PLOD3: variants seen among roughly 807,000 people sequenced by gnomAD.
PLOD3 encodes the protein procollagen-lysine,2-oxoglutarate 5-dioxygenase 3, also known as multifunctional procollagen lysine hydroxylase and glycosyltransferase LH3.
A neutral mutation model predicts 96.9 loss-of-function variants in PLOD3; 73 were observed. The observed-to-expected ratio is 0.75, with a 90% confidence interval of 0.62 to 0.92. PLOD3 has a LOEUF of 0.92. PLOD3 is among the 40% of genes least tolerant of loss of function. PLOD3 has a pLI of 0.00. For missense variants in PLOD3, 1,004 were observed against 1,004.3 expected, an observed-to-expected ratio of 1.00 and a Z score of 0.00; for synonymous variants, 454 against 413.7, an observed-to-expected ratio of 1.10 and a Z score of -1.18.
chr7:101,213,077 CG>C, intron 7 of PLOD3, 29 bp downstream of exon 7: 1 of 740,914 alleles, frequency 1.3e-6, no homozygotes, highest in Non-Finnish European at 2.0e-6. Context: ...TGGGGCAGGG[CG>C]GGGCGGGGGT....
chr7:101,212,641 C>T lies in PLOD3; in HGVS notation c.894G>A (p.Val298=). 1.2e-6 allele frequency: 2 copies of T among 1,613,794 alleles called. No individual in the cohort carries two copies. Among genetic ancestry groups the T allele is most frequent in the Non-Finnish European group, 1.7e-6 (2 of 1,179,938 alleles). Residue 298 remains valine (V), a synonymous_variant, in exon 9 of 19, where the codon GTG becomes GTA. Transcript: ENST00000223127. The part of the protein sequence containing the change: ...TLPGGQPPPR[V]FLAVFVEQPT... ...GCTGTTCCACAAACACGGCCAGAAA[C>T]ACCCGGGGGGGAGGCTGGAAGATGC...
chr7:101,206,952 G>A, intron 17 of PLOD3, 48 bp from the exon 18 acceptor site: 1 of 1,544,452 alleles, frequency 6.5e-7, no homozygotes, highest in East Asian at 2.4e-5. Context: ...CGGGCGCAGG[G>A]GGTCTTTTAT....
chr7:101,213,162 CG>C lies in PLOD3; in HGVS notation c.721del (p.Arg241GlyfsTer117). On this transcript the variant is annotated frameshift_variant, in exon 7 of 19. Transcript: ENST00000223127. LOFTEE classifies it high-confidence loss of function. Reference sequence around the variant, plus strand: ...GGGGAGCGTGTCGTAGGCCACGTTCCGGATACGCACACGGTTCCGATCAAAC... The same window carrying C: ...GGGGAGCGTGTCGTAGGCCACGTTCCGATACGCACACGGTTCCGATCAAAC... ...LKFDRNRVRI[R>X]NVAYDTLPIV... 6.2e-7 allele frequency: 1 copy of C among 1,613,818 alleles called. No homozygotes were observed. Among genetic ancestry groups the C allele is most frequent in the Non-Finnish European group, 8.5e-7 (1 of 1,179,782 alleles).
At chr7:101,206,991 G>T (rs908798542) in intron 17 of PLOD3, 87 bp from the exon 18 acceptor site, 51 of 1,429,124 alleles carry the variant, frequency 3.6e-5, no homozygotes, top group Non-Finnish European at 4.3e-5. Flanking sequence ...TTTTGAGATA[G>T]TCTCGCTCTG....
intron 6 of PLOD3, 70 bp downstream of exon 6, chr7:101,215,019 C>G: frequency 8.5e-7 from 1 of 1,171,730 alleles, no homozygotes; most frequent in Non-Finnish European, 1.3e-6. Flanking sequence ...CCTCCAGAAG[C>G]CTCTCCCAGC....
rs370613447 is a variant in PLOD3, at chr7:101,212,611, A to G, written c.924T>C (p.Thr308=). The G allele has an allele frequency of 1.9e-6, 3 of 1,613,714 alleles. No individual in the cohort carries two copies. The highest frequency in any genetic ancestry group is 2.5e-6 in the Non-Finnish European group (3 of 1,179,884). Residue 308 remains threonine (T), a synonymous_variant, in exon 9 of 19, where the codon ACT becomes ACC. Transcript: ENST00000223127. ...VFLAVFVEQP[T]PFLPRFLQRL... ...GCTGCAGGAAGCGGGGCAGAAACGG[A>G]GTAGGCTGTTCCACAAACACGGCCA...
intron 11 of PLOD3, 33 bp from the exon 12 acceptor site, chr7:101,211,749 C>T (rs1554377909): frequency 2.1e-5 from 33 of 1,595,840 alleles, no homozygotes; most frequent in East Asian, 2.3e-5. Flanking sequence ...GCTGGGCAGA[C>T]GGGAGCAGGC....
Position 101,216,414 on chromosome 7 carries a change from C to T in PLOD3, c.334G>A (p.Asp112Asn). Residue 112 changes from aspartate to asparagine, a missense_variant, in exon 3 of 19, where the codon GAT (aspartate) becomes AAT (asparagine). Asp to Asn is a conservative substitution (Grantham distance 23, BLOSUM62 1). Coordinates refer to ENST00000223127, the MANE Select transcript of PLOD3 (RefSeq NM_001084.5). ...DREDMIIMFV[D>N]SYDVILAGSP... ...CCCTATCCCCAGCCCCGTTACCTATCCACAAACATGATGATCATATCCTCC... is the reference window on the plus strand; with the variant it reads ...CCCTATCCCCAGCCCCGTTACCTATTCACAAACATGATGATCATATCCTCC... The T allele has an allele frequency of 6.2e-7, 1 of 1,614,184 alleles. No homozygotes were observed. Among genetic ancestry groups the T allele is most frequent in the Non-Finnish European group, 8.5e-7 (1 of 1,180,038 alleles).
At chr7:101,206,946 C>T (rs568341395) in intron 17 of PLOD3, 42 bp from the exon 18 acceptor site, 143 of 1,546,398 alleles carry the variant, frequency 9.2e-5, no homozygotes, top group Admixed American at 1.8e-4. Context: ...CAGCTGCGGG[C>T]GCAGGGGGTC....
chr7:101,214,689 G>A (rs999366956), intron 6 of PLOD3, among the ~76,000 whole-genome samples: 2 of 151,880 alleles, frequency 1.3e-5, no homozygotes, highest in Non-Finnish European at 2.9e-5. Flanking sequence ...AATACAAAAT[G>A]AGCTGGGCGT....
At position 101,212,719 on chromosome 7, in the gene PLOD3, C is replaced by A; in HGVS notation, c.880-64G>T. 1.9e-6 allele frequency: 3 copies of A among 1,607,554 alleles called. No homozygotes were observed. In the South Asian group the frequency reaches 3.3e-5, roughly 18 times the overall value. ...GGACTTCCCTGCTGCCCCCACCCAACCTCCACCCTGACAGGTGCAGGGACC... is the reference window on the plus strand; with the variant it reads ...GGACTTCCCTGCTGCCCCCACCCAAACTCCACCCTGACAGGTGCAGGGACC... On this transcript the variant is annotated intron_variant, in intron 8 of 18. Transcript: ENST00000223127.
chr7:101,206,176 C>G lies in PLOD3; in HGVS notation c.*105G>C. The G allele has an allele frequency of 8.6e-7, 1 of 1,161,204 alleles. No homozygotes were observed. Among genetic ancestry groups the G allele is most frequent in the East Asian group, 2.3e-5 (1 of 42,838 alleles). The allele number at this position is 1,161,204 out of a possible 1,614,324, so 71.9% of individuals were successfully genotyped here. ...AGTTCAGGCACGCGGAACATGAACT[C>G]AGGAAGTGGGGAGACAGAGAGACCC... On this transcript the variant is annotated 3_prime_UTR_variant, in exon 19 of 19. Coordinates refer to ENST00000223127, the MANE Select transcript of PLOD3 (RefSeq NM_001084.5).
chr7:101,211,829 G>C lies in PLOD3; in HGVS notation c.1232+17C>G. On this transcript the variant is annotated intron_variant, in intron 11 of 18. Transcript: ENST00000223127. ...TGTTGGGGTGCCCTCCGGCTGCGGG[G>C]AGAGGGGGTAAGCCACCTGTTCTCC... 6.2e-7 allele frequency: 1 copy of C among 1,602,514 alleles called. No homozygotes were observed. The highest frequency in any genetic ancestry group is 1.7e-5 in the Admixed American group (1 of 59,114).
At position 101,206,451 on chromosome 7, in the gene PLOD3, G is replaced by T. The variant is rs1321823783; in HGVS notation, c.2062-15C>A. On this transcript the variant is annotated splice_polypyrimidine_tract_variant and intron_variant, in intron 18 of 18. Transcript: ENST00000223127. ...CAGCCACCTCCCTGGAAAGAGAAGG[G>T]AAAGGAAACATGGAGTGAGCAGACG... 6 of 1,584,198 alleles carry T rather than the reference G, an allele frequency of 3.8e-6. No homozygotes were observed. The highest frequency in any genetic ancestry group is 5.1e-6 in the Non-Finnish European group (6 of 1,166,054).
At chr7:101,215,781 CG>C (rs1362300936) in intron 5 of PLOD3, 126 bp downstream of exon 5, 18 of 720,224 alleles carry the variant, frequency 2.5e-5, no homozygotes, top group Non-Finnish European at 3.5e-5. Flanking sequence ...GGATGACAGG[CG>C]TGAGCCACCA....
Position 101,210,084 on chromosome 7 carries a change from T to A in PLOD3, c.1683+9A>T. ...GCAGGGGGTGGGTGGGGAGGCTGCG[T>A]GGGCTCACCTGCTCCACGATTCCTT... is the stretch of plus-strand genomic sequence containing the variant. On this transcript the variant is annotated intron_variant, in intron 15 of 18. Transcript: ENST00000223127. The A allele has an allele frequency of 1.1e-5, 17 of 1,577,106 alleles. No individual in the cohort carries two copies. Among genetic ancestry groups the A allele is most frequent in the Non-Finnish European group, 1.5e-5 (17 of 1,160,016 alleles).
In PLOD3 at chr7:101,211,626, G is replaced by A. The variant is rs777992221; in HGVS notation, c.1323C>T (p.Ser441=). The change falls in exon 12 of 19, where the codon TCC becomes TCT. Residue 441 remains serine (S), a synonymous_variant. Transcript: ENST00000223127. Reference sequence around the variant, plus strand: ...GCTGCACCAGCTCCACGTAGTCCTCGGAGCGGGCGTAGTACTCATCGGGGC... The same window carrying A: ...GCTGCACCAGCTCCACGTAGTCCTCAGAGCGGGCGTAGTACTCATCGGGGC... ...ALSPDEYYAR[S]EDYVELVQRK... is the part of the protein sequence containing the mutation. The A allele has an allele frequency of 2.4e-5, 39 of 1,605,900 alleles. No homozygotes were observed. The highest frequency in any genetic ancestry group is 6.8e-5 in the Admixed American group (4 of 58,404).
At position 101,206,913 on chromosome 7, in the gene PLOD3, GA is replaced by G; in HGVS notation, c.1936-10del. On this transcript the variant is annotated splice_polypyrimidine_tract_variant and intron_variant, in intron 17 of 18. Coordinates refer to ENST00000223127, the MANE Select transcript of PLOD3 (RefSeq NM_001084.5). ...TTCATCACCGCCCGCGCCTGGGGGA[GA>G]GGAGGGAAGAGGCTGCAGGGACAGC... 1 of 1,554,810 alleles carries G rather than the reference GA, an allele frequency of 6.4e-7. No individual in the cohort carries two copies. The highest frequency in any genetic ancestry group is 8.7e-7 in the Non-Finnish European group (1 of 1,148,666).
intron 5 of PLOD3, 24 bp from the exon 6 acceptor site, chr7:101,215,176 A>T (rs777807624): frequency 3.3e-6 from 5 of 1,528,866 alleles, no homozygotes; most frequent in Non-Finnish European, 4.5e-6. Context: ...GATGCGATGG[A>T]GTGGTTAAAA....
Sources: gnomAD v4.1 joint callset for allele counts (sites outside exome capture counted in the v4.1 genomes callset) on GRCh38, gnomAD v4.1.1 for gene constraint, MANE v1.5 for transcripts, NCBI Gene and HGNC (gene_info 2026-07-23, HGNC 2026-07-21) for gene names.